Variants in KLF15 observed in about 807,000 individuals in gnomAD.
KLF15 encodes Krueppel-like factor 15.
KLF15 carries 4 observed loss-of-function variants against 24.6 expected under a neutral mutation model. The observed-to-expected ratio is 0.16, with a 90% CI of 0.08 to 0.37. KLF15 has a LOEUF of 0.37. Among genes scored for constraint, KLF15 ranks in the 10% least tolerant of loss-of-function variants. The pLI is 1.00. For missense variants in KLF15, 496 were observed against 560.6 expected (o/e 0.88, Z 1.16); for synonymous variants, 246 against 236.3 (o/e 1.04, Z -0.37).
chr3:126,334,965 T>C, the KLF15 span, among the ~76,000 whole-genome samples: 78,083 of 118,576 alleles, frequency 0.66, 25,867 homozygotes, highest in African/African-American at 0.77. Context: ...CAGGACCAGA[T>C]GGATTCACAG....
the KLF15 span, among the ~76,000 whole-genome samples, chr3:126,316,449 A>ACT: frequency 6.9e-6 from 1 of 145,516 alleles, no homozygotes; most frequent in East Asian, 2.2e-4. Context: ...TGAGTGGGGA[A>ACT]GGGAGTCTAT....
chr3:126,314,074 GCT>G, the KLF15 span, among the ~76,000 whole-genome samples: 3 of 152,270 alleles, frequency 2.0e-5, no homozygotes, highest in East Asian at 5.8e-4. Flanking sequence ...CTATTATCTT[GCT>G]CTTTATACAA....
the KLF15 span, among the ~76,000 whole-genome samples, chr3:126,320,177 A>G: frequency 6.6e-6 from 1 of 152,222 alleles, no homozygotes; most frequent in African/African-American, 2.4e-5. Flanking sequence ...ACTGGAGATC[A>G]CATGACCACT....
At chr3:126,305,789 A>G in the KLF15 span, among the ~76,000 whole-genome samples, 2 of 152,242 alleles carry the variant, frequency 1.3e-5, no homozygotes, top group Non-Finnish European at 2.9e-5. Context: ...AGATTTGAAA[A>G]GCTGGATGTC....
chr3:126,353,323 C>T (rs1183375110), intron 1 of KLF15, among the ~76,000 whole-genome samples: 1 of 152,178 alleles, frequency 6.6e-6, no homozygotes. Context: ...AGCCCACCGT[C>T]AACATCATAG....
At chr3:126,350,457 T>C (rs1377138551) in intron 2 of KLF15, among the ~76,000 whole-genome samples, 1 of 152,150 alleles carries the variant, frequency 6.6e-6, no homozygotes, top group Non-Finnish European at 1.5e-5. Context: ...TCAGGAAAAT[T>C]CCCTTCTCTG....
At chr3:126,305,619 G>GA in the KLF15 span, among the ~76,000 whole-genome samples, 63,904 of 151,750 alleles carry the variant, frequency 0.42, 13,683 homozygotes, top group African/African-American at 0.46. Flanking sequence ...TGGGCTATCT[G>GA]GTCACACTTA....
chr3:126,349,908 C>A (rs2082568888), intron 2 of KLF15, among the ~76,000 whole-genome samples: 1 of 152,206 alleles, frequency 6.6e-6, no homozygotes, highest in African/African-American at 2.4e-5. Context: ...GGAGAGAATG[C>A]CTTCAGGGTT....
chr3:126,324,741 A>G, the KLF15 span, among the ~76,000 whole-genome samples: 1 of 91,234 alleles, frequency 1.1e-5, no homozygotes, highest in African/African-American at 4.4e-5. Flanking sequence ...TCTGTCCTTC[A>G]TTGGTGATGT....
At chr3:126,353,026 C>T (rs1318971107) in intron 1 of KLF15, 79 bp from the exon 2 acceptor site, 55 of 1,452,496 alleles carry the variant, frequency 3.8e-5, no homozygotes, top group Non-Finnish European at 4.7e-5. Context: ...ACCCCACCCT[C>T]AGCTGCCTGC....
At chr3:126,328,018 G>T in the KLF15 span, among the ~76,000 whole-genome samples, 1 of 151,976 alleles carries the variant, frequency 6.6e-6, no homozygotes, top group Non-Finnish European at 1.5e-5. Context: ...TGAGATTTTG[G>T]TGCACCCATC....
chr3:126,292,071 C>T, the KLF15 span, among the ~76,000 whole-genome samples: 1 of 152,292 alleles, frequency 6.6e-6, no homozygotes, highest in Admixed American at 6.5e-5. Flanking sequence ...TTCCAGTCCC[C>T]AAGGCAAGCC....
the KLF15 span, among the ~76,000 whole-genome samples, chr3:126,293,130 C>T: frequency 4.6e-5 from 6 of 131,088 alleles, no homozygotes; most frequent in Non-Finnish European, 7.8e-5. Context: ...GGCAACATAG[C>T]AAGACTGCAT....
the KLF15 span, among the ~76,000 whole-genome samples, chr3:126,316,536 T>TGGGTGGGAGTAGGGGAGGGAGTACAC: frequency 8.9e-6 from 1 of 112,182 alleles, no homozygotes; most frequent in Non-Finnish European, 1.7e-5. Context: ...AGGGAGTACA[T>TGGGTGGGAGTAGGGGAGGGAGTACAC]GGGCCGGAGT....
At chr3:126,307,733 C>G in the KLF15 span, among the ~76,000 whole-genome samples, 1 of 152,196 alleles carries the variant, frequency 6.6e-6, no homozygotes, top group Non-Finnish European at 1.5e-5. Context: ...TGTTGGGCCT[C>G]TGCTGCATGG....
At chr3:126,301,588 G>GCTTT in the KLF15 span, among the ~76,000 whole-genome samples, 1 of 149,422 alleles carries the variant, frequency 6.7e-6, no homozygotes, top group Non-Finnish European at 1.5e-5. Flanking sequence ...TATTACTTCT[G>GCTTT]CTTTCTTTCT....
chr3:126,356,568 G>A lies in KLF15; in HGVS notation c.-26+669C>T, dbSNP rs2082633728. 6.6e-6 allele frequency among the ~76,000 whole-genome samples: 1 copy of A among 152,126 alleles called. No homozygotes were observed. The highest frequency in any genetic ancestry group is 1.5e-5 in the Non-Finnish European group (1 of 68,018). On this transcript the variant is annotated intron_variant, in intron 1 of 2. Coordinates refer to ENST00000296233, the MANE Select transcript of KLF15 (RefSeq NM_014079.4). The surrounding 1 kb of genome is among the most constrained non-coding windows in gnomAD (Gnocchi z 4.4). Reference sequence around the variant, plus strand: ...GTGGAGTGAGACGCGTGAACGGTGCGGGTGTGCGTGAAGGGGTGTGAGTTC... The same window carrying A: ...GTGGAGTGAGACGCGTGAACGGTGCAGGTGTGCGTGAAGGGGTGTGAGTTC...
chr3:126,333,855 T>A, the KLF15 span, among the ~76,000 whole-genome samples: 2 of 145,332 alleles, frequency 1.4e-5, no homozygotes, highest in Admixed American at 6.9e-5. Context: ...AGGGATCAAT[T>A]CAACAAGAAG....
the KLF15 span, among the ~76,000 whole-genome samples, chr3:126,322,465 C>T: frequency 0.69 from 105,629 of 152,008 alleles, 37,167 homozygotes; most frequent in African/African-American, 0.81. Context: ...CTTCGGTCCT[C>T]GTTCCTCCTA....
Sources: gnomAD v4.1 joint callset for allele counts (sites outside exome capture counted in the v4.1 genomes callset) on GRCh38, gnomAD v4.1.1 for gene constraint, Gnocchi (gnomAD v3.1) non-coding constraint, MANE v1.5 for transcripts, NCBI Gene and HGNC (gene_info 2026-07-23, HGNC 2026-07-21) for gene names.